ARHGAP25: variants seen among roughly 807,000 people sequenced by gnomAD.
The protein encoded by ARHGAP25 is Rho GTPase activating protein 25, also known as rho GTPase-activating protein 25.
ARHGAP25 carries 34 observed loss-of-function variants against 71.0 expected under a neutral mutation model. The observed-to-expected ratio is 0.48, with a 90% CI of 0.36 to 0.64. The LOEUF (loss-of-function observed/expected upper bound fraction) is 0.64. Among genes scored for constraint, ARHGAP25 ranks in the 30% least tolerant of loss-of-function variants. The pLI is 0.00. For synonymous variants in ARHGAP25, 282 were observed against 296.5 expected, an observed-to-expected ratio of 0.95 and a Z score of 0.50; for missense variants, 706 against 805.1, an observed-to-expected ratio of 0.88 and a Z score of 1.49.
At chr2:68,782,212 G>T (rs367921948) in intron 2 of ARHGAP25, 21 bp from the exon 3 acceptor site, 4 of 1,609,966 alleles carry the variant, frequency 2.5e-6, no homozygotes, top group Admixed American at 1.7e-5. Context: ...TATCCTTAAG[G>T]CCTGACTTTT....
intron 2 of ARHGAP25, among the ~76,000 whole-genome samples, chr2:68,714,679 T>C (rs1344379980): frequency 6.6e-6 from 1 of 152,244 alleles, no homozygotes; most frequent in East Asian, 1.9e-4. Context: ...TTCTGGTATG[T>C]TGTGTCTTTG....
chr2:68,716,011 G>A (rs72893932), intron 2 of ARHGAP25, among the ~76,000 whole-genome samples: 3,941 of 152,196 alleles, frequency 0.026, 174 homozygotes, highest in African/African-American at 0.091. Context: ...CCCTTCTGGC[G>A]CCCTGCCCTC....
At chr2:68,730,918 C>T (rs1027153896), upstream of ARHGAP25, among the ~76,000 whole-genome samples, 2 of 152,168 alleles carry the variant, frequency 1.3e-5, no homozygotes, top group Admixed American at 6.5e-5. Flanking sequence ...CCTGGGATGC[C>T]ACCCAAGCAG....
chr2:68,725,802 C>A (rs1043611239), intron 2 of ARHGAP25, among the ~76,000 whole-genome samples: 6 of 152,130 alleles, frequency 3.9e-5, no homozygotes, highest in African/African-American at 1.4e-4. Context: ...AACACAAGAC[C>A]TCCTTGGGGT....
Position 68,735,227 on chromosome 2 carries a change from G to A in ARHGAP25, c.28G>A (p.Asp10Asn), listed in dbSNP as rs1436545414. ...GTCCCTAAAATTGCCAAGGAACTGG[G>A]ATTTCAACCTGAAAGTGGAGGCTGC... MSLKLPRNWDFNLKVEAAKI... is the reference protein window; with the variant it reads MSLKLPRNWNFNLKVEAAKI... Residue 10 changes from aspartate (D) to asparagine (N), a missense_variant, in exon 1 of 11, where the codon GAT (aspartate) becomes AAT (asparagine). By Grantham distance (23) the Asp-to-Asn change is conservative. Transcript: ENST00000409202. The A allele has an allele frequency of 6.2e-7, 1 of 1,614,168 alleles. No individual in the cohort carries two copies. Among genetic ancestry groups the A allele is most frequent in the Non-Finnish European group, 8.5e-7 (1 of 1,180,010 alleles).
intron 1 of ARHGAP25, among the ~76,000 whole-genome samples, chr2:68,736,759 T>G (rs895683588): frequency 1.3e-5 from 2 of 152,098 alleles, no homozygotes; most frequent in Non-Finnish European, 2.9e-5. Context: ...TCACATCAAG[T>G]GCTGGCTAAA....
intron 4 of ARHGAP25, among the ~76,000 whole-genome samples, chr2:68,791,882 A>C (rs1679200234): frequency 6.6e-6 from 1 of 152,262 alleles, no homozygotes; most frequent in Non-Finnish European, 1.5e-5. Flanking sequence ...AGAGGGCAGC[A>C]CATTGGTGTT....
intron 5 of ARHGAP25, among the ~76,000 whole-genome samples, chr2:68,807,874 A>C (rs1470616473): frequency 1.3e-5 from 2 of 152,180 alleles, no homozygotes; most frequent in Non-Finnish European, 2.9e-5. Flanking sequence ...AGAATGCACC[A>C]GATCTATATC....
chr2:68,735,315 A>G (rs781145119), intron 1 of ARHGAP25, 55 bp downstream of exon 1: 5 of 1,546,524 alleles, frequency 3.2e-6, no homozygotes, highest in Non-Finnish European at 3.6e-6. Context: ...CTCGAGCACC[A>G]TTTGCATGTT....
intron 2 of ARHGAP25, among the ~76,000 whole-genome samples, chr2:68,727,123 C>T (rs1476698825): frequency 1.3e-5 from 2 of 152,152 alleles, no homozygotes; most frequent in South Asian, 2.1e-4. Flanking sequence ...TACAGCCATC[C>T]GGCCTATGCA....
chr2:68,759,233 A>G (rs1206523794), intron 1 of ARHGAP25, among the ~76,000 whole-genome samples: 3 of 151,826 alleles, frequency 2.0e-5, no homozygotes, highest in Non-Finnish European at 4.4e-5. Flanking sequence ...AATAAAGATC[A>G]GAACAGAGAC....
intron 2 of ARHGAP25, among the ~76,000 whole-genome samples, chr2:68,721,036 A>G (rs1462228933): frequency 6.6e-6 from 1 of 152,124 alleles, no homozygotes; most frequent in African/African-American, 2.4e-5. Context: ...TTCCCTCCTT[A>G]TGTCCCTGGA....
intron 2 of ARHGAP25, among the ~76,000 whole-genome samples, chr2:68,777,424 T>C (rs1220110131): frequency 6.6e-6 from 1 of 152,250 alleles, no homozygotes; most frequent in Non-Finnish European, 1.5e-5. Flanking sequence ...GATCAAATGA[T>C]ATAAAGCAGG....
Position 68,775,285 on chromosome 2 carries a change from C to T in ARHGAP25, c.126C>T (p.Asn42=), listed in dbSNP as rs1424235809. The T allele has an allele frequency of 6.2e-7, 1 of 1,614,230 alleles. No homozygotes were observed. The highest frequency in any genetic ancestry group is 8.5e-7 in the Non-Finnish European group (1 of 1,180,044). ...MAAFHPSSTP[N]PLERPIKMGW... is the part of the protein sequence containing the mutation. ...CCTTCCATCCATCGTCCACCCCCAA[C>T]CCGCTGGAGAGGCCCATCAAGATGG... Residue 42 remains asparagine, a synonymous_variant, in exon 2 of 11, where the codon AAC becomes AAT. Transcript: ENST00000409202.
intron 3 of ARHGAP25, among the ~76,000 whole-genome samples, chr2:68,784,620 G>T (rs892751843): frequency 3.3e-5 from 5 of 152,136 alleles, no homozygotes; most frequent in Non-Finnish European, 7.4e-5. Context: ...CCAGGAAGGG[G>T]TTGTTCCTTC....
At chr2:68,782,351 G>T (rs773818430) in intron 3 of ARHGAP25, 31 bp downstream of exon 3, 5 of 1,594,628 alleles carry the variant, frequency 3.1e-6, no homozygotes. Context: ...CAGAGGTGCA[G>T]TGCAGAAGTA....
At chr2:68,765,136 AC>A (rs1448260034) in intron 1 of ARHGAP25, among the ~76,000 whole-genome samples, 2 of 152,068 alleles carry the variant, frequency 1.3e-5, no homozygotes, top group African/African-American at 4.8e-5. Flanking sequence ...TACAGGAAAT[AC>A]TATCCATACT....
chr2:68,782,722 C>T lies in ARHGAP25; in HGVS notation c.349+402C>T, dbSNP rs532976780. On this transcript the variant is annotated intron_variant, in intron 3 of 10. Transcript: ENST00000409202. ...TATAAATGGAACCACGTGAAATTGCCATTTTGATGGGTCAAAAATTATAAA... is the reference window on the plus strand; with the variant it reads ...TATAAATGGAACCACGTGAAATTGCTATTTTGATGGGTCAAAAATTATAAA... 5.9e-5 allele frequency among the ~76,000 whole-genome samples: 9 copies of T among 152,322 alleles called. No homozygotes were observed. In the East Asian group the frequency reaches 1.7e-3, roughly 29 times the overall value.
At chr2:68,736,562 T>C (rs1675231764) in intron 1 of ARHGAP25, among the ~76,000 whole-genome samples, 1 of 152,230 alleles carries the variant, frequency 6.6e-6, no homozygotes, top group Non-Finnish European at 1.5e-5. Flanking sequence ...GGTCTTACTC[T>C]CCTTTGGTTT....
Sources: allele counts gnomAD v4.1 joint callset (sites outside exome capture counted in the v4.1 genomes callset), GRCh38; gene constraint gnomAD v4.1.1; transcripts MANE v1.5; gene names NCBI Gene and HGNC (gene_info 2026-07-23, HGNC 2026-07-21).